Variants in TMEM87A observed in about 807,000 individuals in gnomAD.
TMEM87A encodes Golgi-pH regulating cation channel.
TMEM87A carries 50 observed loss-of-function variants against 90.0 expected under a neutral mutation model. The ratio of observed to expected loss-of-function variants is 0.56; its 90% CI spans 0.44 to 0.70. The LOEUF (loss-of-function observed/expected upper bound fraction) is 0.70. TMEM87A is among the 30% of genes least tolerant of loss of function. The probability of loss-of-function intolerance (pLI) is 0.00; values close to 1 mark genes in which losing one functional copy is unlikely to be tolerated. For missense variants in TMEM87A, 577 were observed against 660.5 expected, an observed-to-expected ratio of 0.87 and a Z score of 1.39; for synonymous variants, 226 against 226.7, an observed-to-expected ratio of 1.00 and a Z score of 0.03.
In TMEM87A at chr15:42,244,106, C is replaced by T; in HGVS notation, c.566G>A (p.Gly189Asp). ...TGATGATTCCTTTGAGGATGAAATG[C>T]CAATATGTACAATAAAAATGTATGG... ...DAPYIFIVHI[G>D]ISSSKESSKE... is the part of the protein sequence containing the mutation. Residue 189 changes from glycine (G) to aspartate (D), a missense_variant, in exon 7 of 20, where the codon GGC becomes GAC. Coordinates refer to ENST00000389834, the MANE Select transcript of TMEM87A (RefSeq NM_015497.5). 1 of 1,574,994 alleles carries T rather than the reference C, an allele frequency of 6.3e-7. No individual in the cohort carries two copies. Among genetic ancestry groups the T allele is most frequent in the South Asian group, 1.2e-5 (1 of 82,698 alleles).
intron 9 of TMEM87A, among the ~76,000 whole-genome samples, 170 bp downstream of exon 9, chr15:42,237,262 A>G (rs2050786070): frequency 6.6e-6 from 1 of 152,200 alleles, no homozygotes; most frequent in East Asian, 1.9e-4. Flanking sequence ...ACATCACTGA[A>G]CTCATAAGAT....
chr15:42,229,005 A>C (rs2050643505), intron 12 of TMEM87A, among the ~76,000 whole-genome samples, 185 bp from the exon 13 acceptor site: 1 of 151,632 alleles, frequency 6.6e-6, no homozygotes, highest in African/African-American at 2.4e-5. Context: ...TCATCATTTT[A>C]TTTTCTTTTC....
chr15:42,230,022 C>T (rs2050661834), intron 12 of TMEM87A, among the ~76,000 whole-genome samples: 1 of 152,150 alleles, frequency 6.6e-6, no homozygotes, highest in South Asian at 2.1e-4. Flanking sequence ...GATAGGGCTT[C>T]GCCATGTTGC....
chr15:42,220,068 T>C lies in TMEM87A; in HGVS notation c.1471A>G (p.Ser491Gly), dbSNP rs781489635. 6.3e-7 allele frequency: 1 copy of C among 1,598,726 alleles called. No homozygotes were observed. The highest frequency in any genetic ancestry group is 1.8e-5 in the Admixed American group (1 of 55,770). Reference protein sequence around the residue: ...DEQKEPMLKESFEGMKMRSTK... With the variant: ...DEQKEPMLKEGFEGMKMRSTK... ...AGGTGAATTTTATTATTACCAAAGC[T>C]TTCTTTCAGCATAGGCTCCTTTTGT... Residue 491 changes from serine (S) to glycine (G), a missense_variant, in exon 16 of 20, where the codon AGC becomes GGC. Ser to Gly is a moderately conservative substitution (Grantham distance 56, BLOSUM62 0). Transcript: ENST00000389834.
intron 15 of TMEM87A, among the ~76,000 whole-genome samples, chr15:42,226,299 C>T (rs576023186): frequency 6.6e-6 from 1 of 151,960 alleles, no homozygotes; most frequent in South Asian, 2.1e-4. Flanking sequence ...CACGCCCAGC[C>T]CCTGTGTCGG....
Position 42,237,622 on chromosome 15 carries a change from T to A in TMEM87A, c.685-7A>T, listed in dbSNP as rs766160403. The A allele has an allele frequency of 1.3e-6, 2 of 1,562,060 alleles. No homozygotes were observed. ...TACACATCACCATGAAAAACTGTTATCAAATTGGGTAAAAGATAAAAAGGA... is the reference window on the plus strand; with the variant it reads ...TACACATCACCATGAAAAACTGTTAACAAATTGGGTAAAAGATAAAAAGGA... On this transcript the variant is annotated splice_region_variant and splice_polypyrimidine_tract_variant and intron_variant, in intron 8 of 19. Transcript: ENST00000389834.
At chr15:42,271,973 G>C (rs1376202960) in intron 2 of TMEM87A, 90 bp downstream of exon 2, 36 of 1,086,124 alleles carry the variant, frequency 3.3e-5, no homozygotes, top group Non-Finnish European at 4.6e-5. Flanking sequence ...CAGACTATTA[G>C]ATTTCAGAAC....
chr15:42,266,097 G>C (rs540101688), intron 3 of TMEM87A, among the ~76,000 whole-genome samples: 13 of 152,266 alleles, frequency 8.5e-5, no homozygotes, highest in African/African-American at 3.1e-4. Flanking sequence ...CTGTAGCCCT[G>C]TAGTACAGTT....
At chr15:42,256,322 G>A (rs2051183898) in intron 6 of TMEM87A, among the ~76,000 whole-genome samples, 1 of 151,830 alleles carries the variant, frequency 6.6e-6, no homozygotes, top group South Asian at 2.1e-4. Flanking sequence ...TGCATTTTTA[G>A]TAGAGATAGG....
chr15:42,216,178 A>C (rs1030595028), intron 19 of TMEM87A, among the ~76,000 whole-genome samples: 1 of 152,208 alleles, frequency 6.6e-6, no homozygotes, highest in African/African-American at 2.4e-5. Flanking sequence ...GAGTTATCTA[A>C]AATAGAACTC....
intron 15 of TMEM87A, among the ~76,000 whole-genome samples, chr15:42,221,149 C>T (rs1007654023): frequency 2.6e-5 from 4 of 151,904 alleles, no homozygotes; most frequent in Non-Finnish European, 4.4e-5. Context: ...CTTTGTCCAT[C>T]AACTGATGAG....
chr15:42,248,122 A>G (rs1168033743), intron 6 of TMEM87A, among the ~76,000 whole-genome samples: 1 of 152,092 alleles, frequency 6.6e-6, no homozygotes, highest in Non-Finnish European at 1.5e-5. Flanking sequence ...TGATTTTTGC[A>G]TATTGATTTT....
chr15:42,258,425 T>C (rs1435357068), intron 6 of TMEM87A: 1 of 675,242 alleles, frequency 1.5e-6, no homozygotes, highest in East Asian at 1.3e-4. Context: ...ATCCAATGAA[T>C]ATCTTTTTTC....
At chr15:42,243,431 A>G (rs1353151149) in intron 7 of TMEM87A, among the ~76,000 whole-genome samples, 2 of 151,616 alleles carry the variant, frequency 1.3e-5, no homozygotes, top group African/African-American at 2.4e-5. Flanking sequence ...GTAAAAGATG[A>G]TGACTCTATG....
intron 11 of TMEM87A, chr15:42,231,967 C>T (rs1712420): frequency 0.98 from 1,029,239 of 1,050,712 alleles, 505,538 homozygotes; most frequent in Non-Finnish European, 1. Context: ...GTTAAAGTTG[C>T]TAGAAGTCTA....
chr15:42,266,259 T>C (rs2051401898), intron 3 of TMEM87A, among the ~76,000 whole-genome samples: 1 of 152,360 alleles, frequency 6.6e-6, no homozygotes, highest in East Asian at 1.9e-4. Flanking sequence ...CTCACGCCTG[T>C]AATCCCAGCA....
chr15:42,226,287 AC>A (rs2050590793), intron 15 of TMEM87A, among the ~76,000 whole-genome samples: 1 of 149,712 alleles, frequency 6.7e-6, no homozygotes, highest in African/African-American at 2.4e-5. Flanking sequence ...GGCGTGAGCC[AC>A]CACGCCCAGC....
intron 2 of TMEM87A, among the ~76,000 whole-genome samples, chr15:42,271,101 A>C (rs2051514563): frequency 6.6e-6 from 1 of 152,194 alleles, no homozygotes; most frequent in Non-Finnish European, 1.5e-5. Context: ...TCGTTCTCTA[A>C]ATTAAAGCCG....
At chr15:42,221,509 TAATTC>T (rs1188636455) in intron 15 of TMEM87A, among the ~76,000 whole-genome samples, 1 of 152,172 alleles carries the variant, frequency 6.6e-6, no homozygotes, top group Non-Finnish European at 1.5e-5. Flanking sequence ...CCTAATTTAT[TAATTC>T]AATTAAGTTC....
Sources: allele counts gnomAD v4.1 joint callset (sites outside exome capture counted in the v4.1 genomes callset), GRCh38; gene constraint gnomAD v4.1.1; transcripts MANE v1.5; gene names NCBI Gene and HGNC (gene_info 2026-07-23, HGNC 2026-07-21).